NELL2: variants seen among roughly 807,000 people sequenced by gnomAD.
NELL2 encodes protein kinase C-binding protein NELL2.
A neutral mutation model predicts 109.6 loss-of-function variants in NELL2; 41 were observed. The observed-to-expected ratio is 0.37, with a 90% CI of 0.29 to 0.49. The LOEUF (loss-of-function observed/expected upper bound fraction) is 0.49. NELL2 is among the 20% of genes least tolerant of loss of function. The pLI is 0.98. For synonymous variants in NELL2, 355 were observed against 344.7 expected, an observed-to-expected ratio of 1.03 and a Z score of -0.33; for missense variants, 900 against 1,008.3, an observed-to-expected ratio of 0.89 and a Z score of 1.45.
rs760114520 is a variant in NELL2 at position 44,665,418 on chromosome 12, A to C, written c.1444+66T>G. 22 of 1,437,622 alleles carry C rather than the reference A, an allele frequency of 1.5e-5. No homozygotes were observed. The African/African-American group carries it at 3.2e-4, about 21-fold the overall frequency. The allele number at this position is 1,437,622 out of a possible 1,614,324, so 89.1% of individuals were successfully genotyped here. A position where few individuals can be genotyped will look rare whatever the true frequency, so the allele number is the denominator to read the frequency against. On this transcript the variant is annotated intron_variant, in intron 13 of 19. Transcript: ENST00000429094. ...TATACTTATCAAAAAAATGAGAGTC[A>C]AAGAAATTTTTAAAAGTAAACTTAA...
chr12:44,532,568 T>C lies in NELL2; in HGVS notation c.1804+13A>G, dbSNP rs764272480. On this transcript the variant is annotated intron_variant, in intron 16 of 19. Coordinates refer to ENST00000429094, the MANE Select transcript of NELL2 (RefSeq NM_001145108.2). ...AGAAGTTCTTAAATTCTAGGTCTTC[T>C]CCTTGTACTGACCTTCACACGATTC... The C allele has an allele frequency of 1.2e-6, 2 of 1,609,138 alleles. No homozygotes were observed. Among genetic ancestry groups the C allele is most frequent in the Non-Finnish European group, 1.7e-6 (2 of 1,178,182 alleles).
intron 1 of NELL2, among the ~76,000 whole-genome samples, chr12:44,885,413 T>C (rs1482472291): frequency 6.6e-6 from 1 of 152,066 alleles, no homozygotes; most frequent in African/African-American, 2.4e-5. Flanking sequence ...AGAAAGCTAC[T>C]GCAACTAGTA....
chr12:44,531,983 T>G (rs999762494), intron 16 of NELL2, among the ~76,000 whole-genome samples: 18 of 152,184 alleles, frequency 1.2e-4, no homozygotes, highest in African/African-American at 4.3e-4. Flanking sequence ...GTCAGTCTGT[T>G]GAAAATAATT....
chr12:44,833,915 G>A (rs1013149246), intron 2 of NELL2, among the ~76,000 whole-genome samples: 5 of 152,148 alleles, frequency 3.3e-5, no homozygotes, highest in African/African-American at 1.2e-4. Context: ...TATCGGAGTG[G>A]AGTTTAAAAC....
At chr12:44,703,628 G>C (rs1322403033) in intron 12 of NELL2, 98 bp downstream of exon 12, 2 of 1,198,988 alleles carry the variant, frequency 1.7e-6, no homozygotes, top group Non-Finnish European at 2.4e-6. Context: ...TGCTTTTAAT[G>C]GGCCCATCAA....
chr12:44,622,656 A>G (rs1014999209), intron 13 of NELL2, among the ~76,000 whole-genome samples: 1 of 152,134 alleles, frequency 6.6e-6, no homozygotes. Flanking sequence ...GAATTTTAAG[A>G]TATTAGATTT....
chr12:44,873,746 A>AC (rs892265837), intron 2 of NELL2, among the ~76,000 whole-genome samples: 66 of 21,424 alleles, frequency 3.1e-3, no homozygotes, highest in Admixed American at 4.6e-3. Flanking sequence ...AACAACAACA[A>AC]AAAAAAAAAA....
intron 2 of NELL2, among the ~76,000 whole-genome samples, chr12:44,819,160 T>C (rs1334606754): frequency 2.0e-5 from 3 of 152,128 alleles, no homozygotes; most frequent in Non-Finnish European, 2.9e-5. Context: ...TTAGTAAAAA[T>C]GTACATCACT....
upstream of NELL2, among the ~76,000 whole-genome samples, chr12:44,918,175 G>A (rs186060463): frequency 4.5e-4 from 69 of 152,230 alleles, no homozygotes; most frequent in Admixed American, 4.4e-3. Context: ...ATTAAATCTG[G>A]GGTGGTGGTA....
intron 13 of NELL2, among the ~76,000 whole-genome samples, chr12:44,650,808 G>T (rs1464325958): frequency 6.6e-6 from 1 of 152,070 alleles, no homozygotes; most frequent in African/African-American, 2.4e-5. Flanking sequence ...AAGGCCACAT[G>T]AGGACACAGT....
chr12:44,681,614 G>A (rs1379925928), intron 12 of NELL2, among the ~76,000 whole-genome samples: 1 of 151,536 alleles, frequency 6.6e-6, no homozygotes, highest in Admixed American at 6.6e-5. Flanking sequence ...TCCCCTCCCT[G>A]TGTCCATGTG....
intron 13 of NELL2, among the ~76,000 whole-genome samples, chr12:44,648,943 T>TG (rs1292852759): frequency 2.8e-4 from 42 of 147,634 alleles, no homozygotes; most frequent in East Asian, 6.0e-4. Context: ...TGTGTGTGTG[T>TG]TTAGTAGAGA....
At chr12:44,639,034 T>C (rs1946749048) in intron 13 of NELL2, among the ~76,000 whole-genome samples, 1 of 152,184 alleles carries the variant, frequency 6.6e-6, no homozygotes, top group Non-Finnish European at 1.5e-5. Flanking sequence ...ATTTTAAATC[T>C]TTTTTCATGC....
At position 44,655,871 on chromosome 12, in the gene NELL2, AT is replaced by A. The variant is rs34950551; in HGVS notation, c.1444+9612del. Among the ~76,000 whole-genome samples the A allele has an allele frequency of 9.1e-3, 1,387 of 152,342 alleles. 40 individuals carry two copies. The highest frequency in any genetic ancestry group is 0.077 in the East Asian group (398 of 5,186). On this transcript the variant is annotated intron_variant, in intron 13 of 19. Transcript: ENST00000429094. ...TTTAGCTTTAGGGGGCATACTTTAC[AT>A]TTTAAAACCTAAAGTTGTCTGATTT... is the stretch of plus-strand genomic sequence containing the variant.
At chr12:44,742,778 G>T (rs1450027165) in intron 9 of NELL2, among the ~76,000 whole-genome samples, 1 of 152,170 alleles carries the variant, frequency 6.6e-6, no homozygotes, top group Non-Finnish European at 1.5e-5. Flanking sequence ...AATGAACAAA[G>T]CCTCCAAGAA....
At chr12:44,872,791 A>T (rs887217577) in intron 2 of NELL2, among the ~76,000 whole-genome samples, 2 of 152,204 alleles carry the variant, frequency 1.3e-5, no homozygotes, top group Admixed American at 6.5e-5. Context: ...ATTTGTTACT[A>T]TTCCTGCTAT....
chr12:44,901,571 C>G (rs1177715741), intron 1 of NELL2, among the ~76,000 whole-genome samples: 2 of 152,130 alleles, frequency 1.3e-5, no homozygotes, highest in African/African-American at 4.8e-5. Flanking sequence ...CATCCTGGTA[C>G]CAAAATCTGG....
intron 3 of NELL2, among the ~76,000 whole-genome samples, chr12:44,811,988 C>T (rs950243083): frequency 3.3e-5 from 5 of 152,010 alleles, no homozygotes; most frequent in African/African-American, 1.2e-4. Context: ...CATCTTCCCC[C>T]CAAAAAAACC....
intron 13 of NELL2, among the ~76,000 whole-genome samples, chr12:44,664,567 G>T (rs1947857725): frequency 6.6e-6 from 1 of 151,984 alleles, no homozygotes; most frequent in African/African-American, 2.4e-5. Context: ...TTTTACTAGG[G>T]AGGATTATGG....
Sources: gnomAD v4.1 joint callset for allele counts (sites outside exome capture counted in the v4.1 genomes callset) on GRCh38, gnomAD v4.1.1 for gene constraint, MANE v1.5 for transcripts, NCBI Gene and HGNC (gene_info 2026-07-23, HGNC 2026-07-21) for gene names.